The following STX3 variants were observed in gnomAD, a reference collection of about 807,000 sequenced individuals.
STX3 encodes syntaxin-3.
STX3 carries 19 observed loss-of-function variants against 40.2 expected under a neutral mutation model. The ratio of observed to expected loss-of-function variants is 0.47; its 90% confidence interval spans 0.33 to 0.69. STX3 has a LOEUF of 0.69. STX3 is among the 30% of genes least tolerant of loss of function. The pLI is 0.02. For missense variants in STX3, 364 were observed against 366.7 expected, an observed-to-expected ratio of 0.99 and a Z score of 0.06; for synonymous variants, 122 against 132.2, an observed-to-expected ratio of 0.92 and a Z score of 0.53.
rs762496104 is a variant in STX3, at chr11:59,793,450, T to C, written c.611T>C (p.Leu204Pro). The C allele has an allele frequency of 6.2e-7, 1 of 1,614,210 alleles. No individual in the cohort carries two copies. Among genetic ancestry groups the C allele is most frequent in the Admixed American group, 1.7e-5 (1 of 60,026 alleles). The change falls in exon 8 of 11, where the codon CTG becomes CCG. Residue 204 changes from leucine (L) to proline (P), a missense_variant. By Grantham distance (98) the Leu-to-Pro change is moderately conservative (BLOSUM62 -3). Coordinates refer to ENST00000337979, the MANE Select transcript of STX3 (RefSeq NM_004177.5). Reference sequence around the variant, plus strand: ...GGACGACACAAGGACATTGTGAGGCTGGAGAGCAGCATCAAGGAGCTTCAC... The same window carrying C: ...GGACGACACAAGGACATTGTGAGGCCGGAGAGCAGCATCAAGGAGCTTCAC... ...IEGRHKDIVR[L>P]ESSIKELHDM...
chr11:59,761,818 G>GT (rs148973048), intron 1 of STX3, among the ~76,000 whole-genome samples: 251 of 143,484 alleles, frequency 1.7e-3, no homozygotes, highest in Middle Eastern at 0.011. Context: ...TGGCATCAGG[G>GT]TTTTTTTTTT....
chr11:59,765,739 G>A (rs1318394679), intron 1 of STX3, among the ~76,000 whole-genome samples: 1 of 152,182 alleles, frequency 6.6e-6, no homozygotes, highest in Non-Finnish European at 1.5e-5. Flanking sequence ...AGGAGGCAGA[G>A]GCTGCAGTGA....
chr11:59,793,011 G>A (rs1300878105), intron 6 of STX3, 88 bp from the exon 7 acceptor site: 1 of 1,320,700 alleles, frequency 7.6e-7, no homozygotes, highest in East Asian at 2.4e-5. Flanking sequence ...TCTTTATAGG[G>A]AAGTCACGTT....
At chr11:59,761,978 TA>T (rs1368696874) in intron 1 of STX3, among the ~76,000 whole-genome samples, 2 of 152,212 alleles carry the variant, frequency 1.3e-5, no homozygotes, top group Non-Finnish European at 2.9e-5. Context: ...AAGAGACTTA[TA>T]TTGGTACATT....
chr11:59,795,809 C>T lies in STX3; in HGVS notation c.786+327C>T, dbSNP rs189770391. 2.4e-5 allele frequency: 26 copies of T among 1,089,004 alleles called. No individual in the cohort carries two copies. The East Asian group carries it at 6.4e-4, about 27-fold the overall frequency. 67.5% of individuals were successfully genotyped at this position (1,089,004 alleles called of 1,614,324 possible). A position where few individuals can be genotyped will look rare whatever the true frequency, so the allele number is the denominator to read the frequency against. ...ACCTGTGTTCTTGAGCCCATGCCTC[C>T]CTCCCTGTCGTAGCCTCATCAACCC... On this transcript the variant is annotated intron_variant, in intron 9 of 10. Coordinates refer to ENST00000337979, the MANE Select transcript of STX3 (RefSeq NM_004177.5).
At chr11:59,778,352 G>C (rs1055831987) in intron 2 of STX3, among the ~76,000 whole-genome samples, 6 of 152,158 alleles carry the variant, frequency 3.9e-5, no homozygotes, top group African/African-American at 1.4e-4. Flanking sequence ...CCTCCAATCT[G>C]ACTTCCCTTG....
In STX3 at chr11:59,780,848, CCTGA is replaced by C. The variant is rs571996020; in HGVS notation, c.115-6186_115-6183del. Among the ~76,000 whole-genome samples, 30 of 152,284 alleles carry C rather than the reference CCTGA, an allele frequency of 2.0e-4. No homozygotes were observed. The South Asian group carries it at 3.5e-3, about 18-fold the overall frequency. On this transcript the variant is annotated intron_variant, in intron 2 of 10. Transcript: ENST00000337979. The stretch of plus-strand genomic sequence containing the variant: ...AAATAACTAGATAGGTTTTCACTTT[CCTGA>C]CTAAGTTTTGAGTGATGCAAAGCCC...
intron 1 of STX3, among the ~76,000 whole-genome samples, chr11:59,768,443 GA>G (rs1296682660): frequency 6.6e-6 from 1 of 152,176 alleles, no homozygotes; most frequent in Non-Finnish European, 1.5e-5. Flanking sequence ...CCCTGTGTTT[GA>G]ATAGCAGAGG....
chr11:59,798,922 C>T (rs1865703674), intron 10 of STX3, among the ~76,000 whole-genome samples: 1 of 149,558 alleles, frequency 6.7e-6, no homozygotes. Context: ...TTGTGTGTTG[C>T]TCTGTCGCCC....
chr11:59,767,468 T>C (rs1863338718), intron 1 of STX3, among the ~76,000 whole-genome samples: 1 of 152,196 alleles, frequency 6.6e-6, no homozygotes, highest in African/African-American at 2.4e-5. Flanking sequence ...CATTGTGTGC[T>C]TTCCTTGCCC....
At chr11:59,795,672 A>C in intron 9 of STX3, 190 bp downstream of exon 9, 1 of 1,537,200 alleles carries the variant, frequency 6.5e-7, no homozygotes, top group Non-Finnish European at 8.7e-7. Context: ...GCCGTGGCAG[A>C]TACCAAAAAG....
At chr11:59,762,279 G>A (rs541850589) in intron 1 of STX3, among the ~76,000 whole-genome samples, 1 of 152,252 alleles carries the variant, frequency 6.6e-6, no homozygotes, top group East Asian at 1.9e-4. Context: ...ACTCCAGATG[G>A]CTGAGGACAA....
chr11:59,795,618 G>A (rs1300939277), intron 9 of STX3, 136 bp downstream of exon 9: 121 of 1,540,108 alleles, frequency 7.9e-5, no homozygotes, highest in Non-Finnish European at 9.8e-5. Flanking sequence ...ATGATTGACC[G>A]TATTGAGAAC....
intron 1 of STX3, among the ~76,000 whole-genome samples, chr11:59,761,475 T>C (rs1863030773): frequency 6.6e-6 from 1 of 152,184 alleles, no homozygotes; most frequent in South Asian, 2.1e-4. Context: ...TGTCTCATTC[T>C]CTCTTATACC....
chr11:59,804,374 T>C lies in STX3; in HGVS notation c.*3550T>C, dbSNP rs1590843961. 6.6e-6 allele frequency: 1 copy of C among 152,228 alleles called. No homozygotes were observed. Among genetic ancestry groups the C allele is most frequent in the South Asian group, 2.1e-4 (1 of 4,836 alleles). 9.4% of individuals were successfully genotyped at this position (152,228 alleles called of 1,614,324 possible). ...CTTGCTCACTGCTGTGTCCCCACTT[T>C]TTAGCACAGCGCCTGCTGCTTACAG... On this transcript the variant is annotated 3_prime_UTR_variant, in exon 11 of 11. Transcript: ENST00000337979.
chr11:59,775,664 T>G (rs1042645304), intron 2 of STX3, among the ~76,000 whole-genome samples: 8 of 152,202 alleles, frequency 5.3e-5, no homozygotes, highest in Non-Finnish European at 7.3e-5. Flanking sequence ...GGAGTGTTAG[T>G]ACTTACCTTT....
chr11:59,794,341 C>T (rs1218185446), intron 8 of STX3, among the ~76,000 whole-genome samples: 1 of 152,214 alleles, frequency 6.6e-6, no homozygotes, highest in Non-Finnish European at 1.5e-5. Flanking sequence ...GCCACAGGGT[C>T]ATGGTGCTGT....
intron 1 of STX3, among the ~76,000 whole-genome samples, chr11:59,764,005 C>A (rs751189440): frequency 3.4e-5 from 5 of 148,948 alleles, no homozygotes; most frequent in African/African-American, 1.0e-4. Context: ...GCAACAAGAG[C>A]GAAACTCCGT....
intron 1 of STX3, among the ~76,000 whole-genome samples, chr11:59,767,097 G>T (rs1260070680): frequency 6.6e-6 from 1 of 152,180 alleles, no homozygotes; most frequent in Non-Finnish European, 1.5e-5. Context: ...GTTGCTTGAG[G>T]TTGCATTCTG....
Sources: allele counts gnomAD v4.1 joint callset (sites outside exome capture counted in the v4.1 genomes callset), GRCh38; gene constraint gnomAD v4.1.1; transcripts MANE v1.5; gene names NCBI Gene and HGNC (gene_info 2026-07-23, HGNC 2026-07-21).